Variants in FBXW4 observed in about 807,000 individuals in gnomAD.
FBXW4 encodes F-box/WD repeat-containing protein 4.
In FBXW4, 40 loss-of-function variants were observed where a neutral mutation model predicts 61.8. That is an observed-to-expected ratio of 0.65 (90% CI 0.50 to 0.84). The LOEUF is 0.84. FBXW4 is among the 40% of genes least tolerant of loss of function. The pLI is 0.00. For synonymous variants in FBXW4, 311 were observed against 313.8 expected (o/e 0.99, Z 0.10); for missense variants, 672 against 753.8 (o/e 0.89, Z 1.27).
In FBXW4 at chr10:101,685,918, TC is replaced by T. The variant is rs532944409; in HGVS notation, c.725+8462del. On this transcript the variant is annotated intron_variant, in intron 1 of 8. Transcript: ENST00000331272. ...CAACACCCGTAGCTCCAAAGGCCCT[TC>T]CTTAAAATGTGTAACATACCACATC... 5.5e-3 allele frequency among the ~76,000 whole-genome samples: 839 copies of T among 152,290 alleles called. 5 individuals are homozygous for T. Among genetic ancestry groups the T allele is most frequent in the Non-Finnish European group, 8.2e-3 (560 of 68,018 alleles).
intron 5 of FBXW4, among the ~76,000 whole-genome samples, chr10:101,659,123 G>A (rs1241677075): frequency 1.3e-5 from 2 of 152,146 alleles, no homozygotes; most frequent in East Asian, 3.9e-4. Flanking sequence ...CTGTCGGCCC[G>A]TGTCCCAGAT....
At chr10:101,662,628 C>T (rs771808057) in intron 5 of FBXW4, among the ~76,000 whole-genome samples, 2 of 152,214 alleles carry the variant, frequency 1.3e-5, no homozygotes, top group African/African-American at 2.4e-5. Context: ...CTCTCTCACA[C>T]GATAGCAAGT....
intron 1 of FBXW4, among the ~76,000 whole-genome samples, chr10:101,680,190 A>G (rs1233111597): frequency 6.6e-6 from 1 of 152,222 alleles, no homozygotes; most frequent in Non-Finnish European, 1.5e-5. Context: ...CTCATACCAC[A>G]ATATAATAAA....
At chr10:101,622,995 C>T (rs193029655) in intron 6 of FBXW4, 3 of 152,238 alleles carry the variant, frequency 2.0e-5, no homozygotes, top group African/African-American at 7.2e-5. Flanking sequence ...AAGACATGAA[C>T]AGACGTTTCG....
At chr10:101,657,404 G>T (rs572843163) in intron 5 of FBXW4, among the ~76,000 whole-genome samples, 1 of 152,176 alleles carries the variant, frequency 6.6e-6, no homozygotes, top group South Asian at 2.1e-4. Flanking sequence ...AGGCCAAGGT[G>T]GATGGCATCA....
chr10:101,630,802 A>G (rs2063948094), intron 5 of FBXW4, among the ~76,000 whole-genome samples: 1 of 152,216 alleles, frequency 6.6e-6, no homozygotes, highest in Non-Finnish European at 1.5e-5. Flanking sequence ...GGATAAGGAA[A>G]TAGATGTGAT....
At chr10:101,659,317 C>A in intron 5 of FBXW4, 2 of 890,044 alleles carry the variant, frequency 2.2e-6, no homozygotes, top group Non-Finnish European at 2.7e-6. Flanking sequence ...TTGAACCCTG[C>A]AGATAAGTCA....
chr10:101,677,539 A>G (rs1317455648), intron 1 of FBXW4, among the ~76,000 whole-genome samples: 1 of 152,230 alleles, frequency 6.6e-6, no homozygotes, highest in Non-Finnish European at 1.5e-5. Context: ...ACTGACTAGG[A>G]AAGAACATAT....
intron 6 of FBXW4, among the ~76,000 whole-genome samples, chr10:101,619,900 C>G (rs746189867): frequency 5.4e-4 from 83 of 152,302 alleles, no homozygotes; most frequent in Non-Finnish European, 4.6e-4. Context: ...GCAGCATTGG[C>G]TGTCTGAGGG....
At position 101,641,996 on chromosome 10, in the gene FBXW4, G is replaced by A. The variant is rs555281471; in HGVS notation, c.1236-17186C>T. ...AGCCTTATCAACATGGTGAAACCCC[G>A]TCTCTACTAAAATTACAAAATTAGC... On this transcript the variant is annotated intron_variant, in intron 5 of 8. Coordinates refer to ENST00000331272, the MANE Select transcript of FBXW4 (RefSeq NM_022039.4). Among the ~76,000 whole-genome samples, 48 of 151,786 alleles carry A rather than the reference G, an allele frequency of 3.2e-4. 1 individual carries two copies. The South Asian group carries it at 9.2e-3, about 29-fold the overall frequency.
Position 101,624,795 on chromosome 10 carries a change from C to T in FBXW4, c.1251G>A (p.Gly417=). The T allele has an allele frequency of 6.2e-7, 1 of 1,614,264 alleles. No individual in the cohort carries two copies. Among genetic ancestry groups the T allele is most frequent in the South Asian group, 1.1e-5 (1 of 91,088 alleles). The change falls in exon 6 of 9, where the codon GGG becomes GGA. Residue 417 remains glycine, a synonymous_variant. Coordinates refer to ENST00000331272, the MANE Select transcript of FBXW4 (RefSeq NM_022039.4). ...ISPLLSSFVT[G]TACCGHFSPL... The stretch of plus-strand genomic sequence containing the variant: ...GTGAGAAGTGCCCGCAACAAGCCGT[C>T]CCTGTCACAAAAGAGCTGCCAAACA...
At chr10:101,683,197 C>A (rs1345671144) in intron 1 of FBXW4, among the ~76,000 whole-genome samples, 1 of 152,218 alleles carries the variant, frequency 6.6e-6, no homozygotes, top group Non-Finnish European at 1.5e-5. Context: ...CTTGAAGAGG[C>A]CTCTGGCCAG....
intron 2 of FBXW4, 150 bp downstream of exon 2, chr10:101,676,191 C>T (rs895432324): frequency 4.2e-6 from 2 of 476,422 alleles, no homozygotes; most frequent in Non-Finnish European, 7.4e-6. Flanking sequence ...AAAAGTTGTC[C>T]TTCTGATGCC....
In FBXW4 at chr10:101,611,091, T is replaced by G; in HGVS notation, c.*200A>C. The G allele has an allele frequency of 1.7e-6, 1 of 602,934 alleles. No homozygotes were observed. 37.3% of individuals were successfully genotyped at this position (602,934 alleles called of 1,614,324 possible). A position where few individuals can be genotyped will look rare whatever the true frequency, so the allele number is the denominator to read the frequency against. ...CAGCAGGTCCTGCCTCTCCAACAGGTTCCTGGGAGGGACTGCATCTCTGGT... is the reference window on the plus strand; with the variant it reads ...CAGCAGGTCCTGCCTCTCCAACAGGGTCCTGGGAGGGACTGCATCTCTGGT... On this transcript the variant is annotated 3_prime_UTR_variant, in exon 9 of 9. Transcript: ENST00000331272. The surrounding 1 kb of genome is among the most constrained non-coding windows in gnomAD (Gnocchi z 4.9).
intron 1 of FBXW4, among the ~76,000 whole-genome samples, chr10:101,684,807 T>TA (rs1303153900): frequency 1.3e-5 from 2 of 152,196 alleles, no homozygotes; most frequent in Non-Finnish European, 2.9e-5. Context: ...ACAAAATTAA[T>TA]AAAAAATCTT....
In FBXW4 at chr10:101,611,151, T is replaced by G. The variant is rs550653937; in HGVS notation, c.*140A>C. ...AGTCCCAGGAGTCAGAAGCCTCTAG[T>G]GCAAGGTGCCTGAGCACTGGGGTCA... On this transcript the variant is annotated 3_prime_UTR_variant, in exon 9 of 9. Transcript: ENST00000331272. This position sits in a 1 kb window ranked among gnomAD's most constrained non-coding sequence, Gnocchi z 4.9. 36 of 1,131,326 alleles carry G rather than the reference T, an allele frequency of 3.2e-5. No homozygotes were observed. The highest frequency in any genetic ancestry group is 4.4e-5 in the Non-Finnish European group (35 of 799,364). 70.1% of individuals were successfully genotyped at this position (1,131,326 alleles called of 1,614,324 possible).
At chr10:101,653,187 T>C (rs553506462) in intron 5 of FBXW4, among the ~76,000 whole-genome samples, 2 of 152,300 alleles carry the variant, frequency 1.3e-5, no homozygotes, top group Admixed American at 1.3e-4. Context: ...TTTTCCTACA[T>C]AGTTTTCCTG....
chr10:101,684,303 A>T (rs7916943), intron 1 of FBXW4, among the ~76,000 whole-genome samples: 151,863 of 152,356 alleles, frequency 1, 75,688 homozygotes, highest in East Asian at 1. Flanking sequence ...TATTTTTGTA[A>T]TTTTAGTAGA....
At chr10:101,617,644 C>T (rs944979550) in intron 6 of FBXW4, among the ~76,000 whole-genome samples, 1 of 152,182 alleles carries the variant, frequency 6.6e-6, no homozygotes, top group Non-Finnish European at 1.5e-5. Flanking sequence ...GGCCAGGCAG[C>T]CCACTTTGTA....
Sources: allele counts gnomAD v4.1 joint callset (sites outside exome capture counted in the v4.1 genomes callset), GRCh38; gene constraint gnomAD v4.1.1; non-coding constraint Gnocchi (gnomAD v3.1); transcripts MANE v1.5; gene names NCBI Gene and HGNC (gene_info 2026-07-23, HGNC 2026-07-21).